The following FOXP2 variants were observed in gnomAD, a reference collection of about 807,000 sequenced individuals.
FOXP2 encodes forkhead box protein P2.
In FOXP2, 12 loss-of-function variants were observed where a neutral mutation model predicts 115.8. That is an observed-to-expected ratio of 0.10 (90% CI 0.07 to 0.17). The LOEUF (loss-of-function observed/expected upper bound fraction) is 0.17, where lower values mean the gene tolerates loss of function less well. Among genes scored for constraint, FOXP2 ranks in the 10% least tolerant of loss-of-function variants. FOXP2 has a pLI of 1.00. For missense variants in FOXP2, 629 were observed against 843.5 expected (o/e 0.75, Z 3.15); for synonymous variants, 328 against 297.7 (o/e 1.10, Z -1.05).
intron 16 of FOXP2, among the ~76,000 whole-genome samples, chr7:114,682,199 C>G (rs1323736607): frequency 6.6e-6 from 1 of 152,076 alleles, no homozygotes; most frequent in Non-Finnish European, 1.5e-5. Flanking sequence ...GTAAAGGAGC[C>G]AGGCTTCAAA....
intron 2 of FOXP2, among the ~76,000 whole-genome samples, chr7:114,454,704 T>C (rs916474088): frequency 1.6e-5 from 2 of 127,420 alleles, no homozygotes; most frequent in Admixed American, 8.0e-5. Context: ...AAATGATGAG[T>C]TCATGTCCTT....
intron 2 of FOXP2, among the ~76,000 whole-genome samples, chr7:114,459,460 T>C (rs749708651): frequency 3.9e-5 from 6 of 152,266 alleles, no homozygotes; most frequent in Non-Finnish European, 7.3e-5. Context: ...TTCAGACTTA[T>C]GGTCCAGTAA....
intron 1 of FOXP2, among the ~76,000 whole-genome samples, chr7:114,240,755 A>G (rs757225364): frequency 6.6e-6 from 1 of 151,928 alleles, no homozygotes; most frequent in African/African-American, 2.4e-5. Flanking sequence ...AATCACTTTT[A>G]TCTTATTCAT....
At chr7:114,347,355 T>C (rs1330039777) in intron 2 of FOXP2, among the ~76,000 whole-genome samples, 1 of 151,988 alleles carries the variant, frequency 6.6e-6, no homozygotes, top group Non-Finnish European at 1.5e-5. Flanking sequence ...CACACGCATA[T>C]ACGTATATGT....
intron 1 of FOXP2, among the ~76,000 whole-genome samples, chr7:114,187,977 A>ACCT: frequency 6.6e-6 from 1 of 151,900 alleles, no homozygotes; most frequent in Admixed American, 6.6e-5. Context: ...TGGCCTAATC[A>ACCT]CCTCTTAAAG....
At chr7:114,611,303 C>T (rs1241052520) in intron 3 of FOXP2, among the ~76,000 whole-genome samples, 1 of 152,148 alleles carries the variant, frequency 6.6e-6, no homozygotes, top group Non-Finnish European at 1.5e-5. Flanking sequence ...TTCATTTTCA[C>T]TTTAGTATTT....
intron 1 of FOXP2, among the ~76,000 whole-genome samples, chr7:114,239,030 G>A (rs113737815): frequency 0.01 from 1,502 of 147,626 alleles, 7 homozygotes; most frequent in Non-Finnish European, 0.016. Flanking sequence ...CAGCATTCAC[G>A]TTTCAGTTAT....
intron 2 of FOXP2, among the ~76,000 whole-genome samples, chr7:114,309,370 A>G (rs961435013): frequency 2.3e-4 from 35 of 152,314 alleles, no homozygotes; most frequent in African/African-American, 8.4e-4. Context: ...CCGCTATACC[A>G]GTGCACCAGT....
intron 2 of FOXP2, among the ~76,000 whole-genome samples, chr7:114,311,550 C>A (rs993659638): frequency 6.6e-5 from 10 of 152,148 alleles, no homozygotes; most frequent in African/African-American, 2.4e-4. Context: ...CAAACCCCAG[C>A]TGAACGCCAT....
intron 2 of FOXP2, among the ~76,000 whole-genome samples, chr7:114,334,118 T>G (rs1797781525): frequency 1.3e-5 from 2 of 152,160 alleles, no homozygotes; most frequent in Non-Finnish European, 2.9e-5. Flanking sequence ...CTTCTTTAGT[T>G]TTCTCACTTT....
intron 2 of FOXP2, among the ~76,000 whole-genome samples, chr7:114,473,089 G>A (rs1333661271): frequency 6.6e-6 from 1 of 152,068 alleles, no homozygotes; most frequent in Non-Finnish European, 1.5e-5. Flanking sequence ...TAAGGCACTA[G>A]CTCTCTAAGT....
At chr7:114,400,188 T>C (rs572007893) in intron 2 of FOXP2, among the ~76,000 whole-genome samples, 1 of 152,122 alleles carries the variant, frequency 6.6e-6, no homozygotes, top group Non-Finnish European at 1.5e-5. Flanking sequence ...AAAATTTATG[T>C]TTTTTGTTGT....
intron 2 of FOXP2, among the ~76,000 whole-genome samples, chr7:114,389,898 C>T (rs891978202): frequency 6.6e-6 from 1 of 151,648 alleles, no homozygotes; most frequent in African/African-American, 2.4e-5. Context: ...GTGGCATGCT[C>T]CTGTAATCCT....
At chr7:114,096,363 T>C (rs148164894) in intron 1 of FOXP2, among the ~76,000 whole-genome samples, 103 of 152,352 alleles carry the variant, frequency 6.8e-4, no homozygotes, top group African/African-American at 2.1e-3. Flanking sequence ...TAAAACGTTA[T>C]TGTCTTGATC....
intron 2 of FOXP2, among the ~76,000 whole-genome samples, chr7:114,395,491 A>T (rs1485079902): frequency 6.6e-6 from 1 of 152,134 alleles, no homozygotes; most frequent in African/African-American, 2.4e-5. Flanking sequence ...AAGGAAATAC[A>T]TGGAGCCTAG....
At chr7:114,442,836 A>G (rs935410605) in intron 2 of FOXP2, among the ~76,000 whole-genome samples, 6 of 152,220 alleles carry the variant, frequency 3.9e-5, no homozygotes, top group Admixed American at 6.5e-5. Context: ...AGGCCAAAAA[A>G]ATGGTGACAT....
At chr7:114,423,432 A>T (rs1036339935) in intron 1 of FOXP2, among the ~76,000 whole-genome samples, 10 of 151,684 alleles carry the variant, frequency 6.6e-5, no homozygotes, top group Non-Finnish European at 1.2e-4. Flanking sequence ...GTCTAACTGT[A>T]TCGTTTGAGT....
intron 2 of FOXP2, among the ~76,000 whole-genome samples, chr7:114,519,593 A>G (rs867741898): frequency 2.0e-5 from 3 of 152,284 alleles, no homozygotes; most frequent in Middle Eastern, 3.4e-3. Context: ...TCTGGTGAGT[A>G]GTCTGTTAGG....
chr7:114,543,897 A>G (rs948670207), intron 3 of FOXP2, among the ~76,000 whole-genome samples: 3 of 152,370 alleles, frequency 2.0e-5, no homozygotes, highest in Admixed American at 1.3e-4. Flanking sequence ...AAGACTTGAG[A>G]GAAGTTCCCT....
Sources: allele counts gnomAD v4.1 joint callset (sites outside exome capture counted in the v4.1 genomes callset), GRCh38; gene constraint gnomAD v4.1.1; transcripts MANE v1.5; gene names NCBI Gene and HGNC (gene_info 2026-07-23, HGNC 2026-07-21).